Variants in DPYD observed in about 807,000 individuals in gnomAD.
DPYD encodes the protein dihydropyrimidine dehydrogenase, also known as dihydropyrimidine dehydrogenase [NADP(+)].
In DPYD, 109 loss-of-function variants were observed where a neutral mutation model predicts 116.2. The ratio of observed to expected loss-of-function variants is 0.94; its 90% CI spans 0.80 to 1.10. The LOEUF is 1.10. Ranked by LOEUF, DPYD falls within the 50% of genes least tolerant of loss-of-function variation. The probability of loss-of-function intolerance (pLI) is 0.00; values close to 1 mark genes in which losing one functional copy is unlikely to be tolerated. For missense variants in DPYD, 1,302 were observed against 1,254.5 expected, an observed-to-expected ratio of 1.04 and a Z score of -0.57; for synonymous variants, 440 against 432.0, an observed-to-expected ratio of 1.02 and a Z score of -0.23.
chr1:97,776,631 A>G (rs1250493917), intron 3 of DPYD, among the ~76,000 whole-genome samples: 1 of 152,158 alleles, frequency 6.6e-6, no homozygotes, highest in Non-Finnish European at 1.5e-5. Context: ...GACCCAGGAA[A>G]AAGTCCTCTG....
intron 16 of DPYD, among the ~76,000 whole-genome samples, chr1:97,325,815 A>G (rs1668678802): frequency 6.6e-6 from 1 of 151,948 alleles, no homozygotes; most frequent in Non-Finnish European, 1.5e-5. Context: ...GTTCAAAAGC[A>G]TAGGAATGCA....
At chr1:97,630,196 C>T (rs1319360660) in intron 8 of DPYD, among the ~76,000 whole-genome samples, 2 of 151,898 alleles carry the variant, frequency 1.3e-5, no homozygotes, top group East Asian at 1.9e-4. Flanking sequence ...AAATATAAAG[C>T]ACTATATAAA....
intron 14 of DPYD, among the ~76,000 whole-genome samples, chr1:97,430,837 T>C (rs1483942020): frequency 6.6e-6 from 1 of 152,100 alleles, no homozygotes; most frequent in East Asian, 1.9e-4. Flanking sequence ...TTTACATCTA[T>C]ATACTTTTTA....
chr1:97,157,337 A>T (rs546419600), intron 20 of DPYD, among the ~76,000 whole-genome samples: 1 of 152,180 alleles, frequency 6.6e-6, no homozygotes, highest in Non-Finnish European at 1.5e-5. Context: ...GCACACACTC[A>T]TACACACATC....
intron 13 of DPYD, among the ~76,000 whole-genome samples, chr1:97,462,295 A>G (rs1677074361): frequency 6.6e-6 from 1 of 152,232 alleles, no homozygotes; most frequent in Non-Finnish European, 1.5e-5. Context: ...CAGAATTCTG[A>G]GATAATACAC....
intron 13 of DPYD, among the ~76,000 whole-genome samples, chr1:97,470,034 G>A (rs138498915): frequency 6.6e-6 from 1 of 152,294 alleles, no homozygotes; most frequent in East Asian, 1.9e-4. Flanking sequence ...TGCTAAATGT[G>A]TTGATGTTAT....
At chr1:97,502,106 G>A (rs1410028153) in intron 13 of DPYD, among the ~76,000 whole-genome samples, 2 of 151,938 alleles carry the variant, frequency 1.3e-5, no homozygotes, top group African/African-American at 4.8e-5. Flanking sequence ...TTACAGAAGA[G>A]GATAAATTTT....
chr1:97,733,399 A>G (rs907270346), intron 4 of DPYD, among the ~76,000 whole-genome samples: 1 of 152,086 alleles, frequency 6.6e-6, no homozygotes, highest in African/African-American at 2.4e-5. Context: ...TCAAATGAAG[A>G]AACTAAATTA....
chr1:97,297,095 T>C (rs556726132), intron 18 of DPYD, among the ~76,000 whole-genome samples: 1 of 152,172 alleles, frequency 6.6e-6, no homozygotes, highest in Non-Finnish European at 1.5e-5. Flanking sequence ...TTTGTAAGCA[T>C]AACAATTTGA....
chr1:97,256,448 C>G (rs1663472368), intron 18 of DPYD, among the ~76,000 whole-genome samples: 1 of 152,060 alleles, frequency 6.6e-6, no homozygotes, highest in South Asian at 2.1e-4. Context: ...GTGTGTCTTT[C>G]TCATGCTCTT....
At chr1:97,603,425 A>G (rs1655388379) in intron 8 of DPYD, among the ~76,000 whole-genome samples, 1 of 152,032 alleles carries the variant, frequency 6.6e-6, no homozygotes, top group African/African-American at 2.4e-5. Context: ...AAAAGCACAG[A>G]CATTAAAAAA....
At chr1:97,277,383 A>G (rs897419406) in intron 18 of DPYD, among the ~76,000 whole-genome samples, 8 of 151,926 alleles carry the variant, frequency 5.3e-5, no homozygotes, top group African/African-American at 9.7e-5. Context: ...TAAAAAAAAA[A>G]AGAGAACACA....
At chr1:97,204,847 C>T (rs1659483122) in intron 19 of DPYD, among the ~76,000 whole-genome samples, 1 of 152,050 alleles carries the variant, frequency 6.6e-6, no homozygotes, top group South Asian at 2.1e-4. Context: ...ATCTAATTCA[C>T]CAGGCTTTTA....
intron 5 of DPYD, among the ~76,000 whole-genome samples, chr1:97,702,800 C>A (rs181601783): frequency 6.6e-6 from 1 of 151,890 alleles, no homozygotes; most frequent in African/African-American, 2.4e-5. Context: ...GTATTTTCAC[C>A]TAAAATATTT....
chr1:97,425,971 T>C (rs1257958122), intron 14 of DPYD, among the ~76,000 whole-genome samples: 3 of 151,924 alleles, frequency 2.0e-5, no homozygotes, highest in African/African-American at 7.3e-5. Flanking sequence ...AAACAACATT[T>C]GTCAGTTCTG....
intron 14 of DPYD, among the ~76,000 whole-genome samples, chr1:97,433,322 G>GCGCCCCATAACCACAC: frequency 6.6e-6 from 1 of 152,100 alleles, no homozygotes; most frequent in East Asian, 1.9e-4. Context: ...GAGATGGTCC[G>GCGCCCCATAACCACAC]TGCCTGGGCT....
intron 4 of DPYD, among the ~76,000 whole-genome samples, chr1:97,730,702 C>T (rs1021046421): frequency 3.3e-5 from 5 of 151,592 alleles, no homozygotes; most frequent in African/African-American, 1.2e-4. Context: ...AATTTAGAGG[C>T]TTAAGTTTTT....
chr1:97,121,806 C>T (rs942355334), intron 20 of DPYD, among the ~76,000 whole-genome samples: 7 of 151,814 alleles, frequency 4.6e-5, no homozygotes, highest in South Asian at 4.2e-4. Context: ...GGTTTGGGCT[C>T]GAAAAAAGGC....
intron 20 of DPYD, among the ~76,000 whole-genome samples, chr1:97,166,154 A>T (rs1470518652): frequency 6.6e-6 from 1 of 152,226 alleles, no homozygotes. Context: ...TTACAACACT[A>T]TTTACAATAG....
Sources: allele counts gnomAD v4.1 joint callset (sites outside exome capture counted in the v4.1 genomes callset), GRCh38; gene constraint gnomAD v4.1.1; transcripts MANE v1.5; gene names NCBI Gene and HGNC (gene_info 2026-07-23, HGNC 2026-07-21).